UNC13C: variants seen among roughly 807,000 people sequenced by gnomAD.
UNC13C encodes the protein unc-13 homolog C.
Under a neutral mutation model 245.4 loss-of-function variants are expected in UNC13C, and 174 were observed. The observed-to-expected ratio is 0.71, with a 90% CI of 0.63 to 0.80. The LOEUF (loss-of-function observed/expected upper bound fraction) is 0.80. Among genes scored for constraint, UNC13C ranks in the 30% least tolerant of loss-of-function variants. The pLI is 0.00. For missense variants in UNC13C, 2,829 were observed against 2,602.9 expected (o/e 1.09, Z -1.89); for synonymous variants, 992 against 895.1 (o/e 1.11, Z -1.93).
At chr15:54,072,130 A>G (rs1898358007) in intron 2 of UNC13C, among the ~76,000 whole-genome samples, 1 of 151,936 alleles carries the variant, frequency 6.6e-6, no homozygotes, top group Non-Finnish European at 1.5e-5. Context: ...TAGTTCTGGG[A>G]GTGGAAAGCA....
At chr15:54,542,592 A>G (rs547143291) in intron 26 of UNC13C, among the ~76,000 whole-genome samples, 9 of 152,282 alleles carry the variant, frequency 5.9e-5, no homozygotes, top group Admixed American at 1.3e-4. Flanking sequence ...TAATATTGAC[A>G]GTAGGGTGTT....
chr15:54,294,964 T>C (rs1232806413), intron 11 of UNC13C, among the ~76,000 whole-genome samples: 1 of 152,222 alleles, frequency 6.6e-6, no homozygotes, highest in Non-Finnish European at 1.5e-5. Context: ...CTCTAGATTA[T>C]AGAATAATTC....
chr15:54,264,010 G>A (rs1212664959), intron 8 of UNC13C, 158 bp from the exon 9 acceptor site: 8 of 658,610 alleles, frequency 1.2e-5, no homozygotes, highest in Non-Finnish European at 1.9e-5. Flanking sequence ...GTGAATCTCA[G>A]CATAGCAGTT....
In UNC13C at chr15:54,341,735, G is replaced by T. The variant is rs180803437; in HGVS notation, c.4713+3246G>T. ...TTACACATAAAATAGTATTTTGCTTGGGAGGCCGAGGCAGGTAGATCACGA... is the reference window on the plus strand; with the variant it reads ...TTACACATAAAATAGTATTTTGCTTTGGAGGCCGAGGCAGGTAGATCACGA... On this transcript the variant is annotated intron_variant, in intron 17 of 32. Transcript: ENST00000260323. Among the ~76,000 whole-genome samples the T allele has an allele frequency of 6.8e-3, 1,033 of 152,182 alleles. 10 individuals carry two copies. The highest frequency in any genetic ancestry group is 7.7e-3 in the Non-Finnish European group (526 of 68,002).
chr15:54,120,094 G>A (rs2030563401), intron 2 of UNC13C, among the ~76,000 whole-genome samples: 4 of 152,180 alleles, frequency 2.6e-5, no homozygotes, highest in South Asian at 4.1e-4. Flanking sequence ...TGATGAAGGT[G>A]ACTACACTAA....
At chr15:54,184,196 T>A (rs2033893708) in intron 4 of UNC13C, among the ~76,000 whole-genome samples, 1 of 152,100 alleles carries the variant, frequency 6.6e-6, no homozygotes, top group Non-Finnish European at 1.5e-5. Flanking sequence ...TTTTCCTTTG[T>A]TAAAGTTTTA....
At chr15:53,993,105 A>C (rs1478187) in intron 1 of UNC13C, among the ~76,000 whole-genome samples, 63,609 of 151,814 alleles carry the variant, frequency 0.42, 13,611 homozygotes, top group Middle Eastern at 0.55. Context: ...ATCTGGAGTC[A>C]CTTCCTCAGT....
chr15:54,243,456 G>A (rs116697137), intron 7 of UNC13C, among the ~76,000 whole-genome samples: 3,869 of 152,210 alleles, frequency 0.025, 161 homozygotes, highest in African/African-American at 0.089. Flanking sequence ...CTGCATGCAT[G>A]TATCTTTACA....
chr15:54,470,135 T>C (rs907619280), intron 19 of UNC13C, among the ~76,000 whole-genome samples: 1 of 151,688 alleles, frequency 6.6e-6, no homozygotes, highest in African/African-American at 2.4e-5. Flanking sequence ...TCATTCTTTT[T>C]AATGTACTGC....
At chr15:54,075,137 GGTGTAT>G (rs1278705629) in intron 2 of UNC13C, among the ~76,000 whole-genome samples, 1 of 152,006 alleles carries the variant, frequency 6.6e-6, no homozygotes, top group Non-Finnish European at 1.5e-5. Flanking sequence ...CAAAGGAAAG[GGTGTAT>G]GTCAATGATT....
At chr15:54,058,225 A>G (rs1402866449) in intron 2 of UNC13C, among the ~76,000 whole-genome samples, 1 of 152,196 alleles carries the variant, frequency 6.6e-6, no homozygotes, top group East Asian at 1.9e-4. Flanking sequence ...CAAGACTAAT[A>G]AAGAAGAAAA....
At chr15:54,203,369 T>C (rs574808814) in intron 4 of UNC13C, among the ~76,000 whole-genome samples, 7 of 151,486 alleles carry the variant, frequency 4.6e-5, no homozygotes, top group African/African-American at 1.7e-4. Context: ...AAAAAGATAC[T>C]TGTACACGCG....
chr15:54,549,366 A>T (rs1474144345), intron 27 of UNC13C, among the ~76,000 whole-genome samples: 5 of 152,176 alleles, frequency 3.3e-5, no homozygotes, highest in Admixed American at 3.3e-4. Context: ...TAATCCATAT[A>T]CTACATTAAA....
At chr15:54,205,399 G>T (rs1382494351) in intron 4 of UNC13C, among the ~76,000 whole-genome samples, 2 of 151,952 alleles carry the variant, frequency 1.3e-5, no homozygotes, top group Non-Finnish European at 2.9e-5. Flanking sequence ...TAGGCGACAA[G>T]CTCATTAAGC....
intron 19 of UNC13C, among the ~76,000 whole-genome samples, chr15:54,448,759 A>G (rs1465794436): frequency 6.6e-6 from 1 of 152,150 alleles, no homozygotes; most frequent in East Asian, 1.9e-4. Context: ...TAATTGGAGC[A>G]TTTAGCCCAT....
intron 2 of UNC13C, among the ~76,000 whole-genome samples, chr15:54,094,593 C>G (rs1187463430): frequency 1.3e-5 from 2 of 152,188 alleles, no homozygotes; most frequent in African/African-American, 4.8e-5. Flanking sequence ...AGAATTTGTT[C>G]TTCCCACCAT....
intron 4 of UNC13C, among the ~76,000 whole-genome samples, chr15:54,146,240 C>A (rs1002450348): frequency 1.3e-5 from 2 of 152,050 alleles, no homozygotes; most frequent in African/African-American, 2.4e-5. Context: ...ATGACTGGGG[C>A]AGACTTTTGA....
chr15:54,250,988 C>G (rs142982472), intron 8 of UNC13C, among the ~76,000 whole-genome samples: 7,157 of 151,958 alleles, frequency 0.047, 404 homozygotes, highest in East Asian at 0.24. Context: ...CATCTCCTGA[C>G]CTCATGATCT....
At chr15:54,313,041 CAGCT>C (rs776879097) in intron 13 of UNC13C, among the ~76,000 whole-genome samples, 3 of 151,698 alleles carry the variant, frequency 2.0e-5, no homozygotes, top group Non-Finnish European at 3.0e-5. Context: ...GAGTCAGGTG[CAGCT>C]AGCTACCATC....
Sources: allele counts gnomAD v4.1 joint callset (sites outside exome capture counted in the v4.1 genomes callset), GRCh38; gene constraint gnomAD v4.1.1; transcripts MANE v1.5; gene names NCBI Gene and HGNC (gene_info 2026-07-23, HGNC 2026-07-21).